SMC1A: variants seen among roughly 807,000 people sequenced by gnomAD.
The protein encoded by SMC1A is structural maintenance of chromosomes protein 1A.
A neutral mutation model predicts 94.5 loss-of-function variants in SMC1A; 4 were observed. The ratio of observed to expected loss-of-function variants is 0.04; its 90% CI spans 0.02 to 0.10. The LOEUF (loss-of-function observed/expected upper bound fraction) is 0.10, where lower values mean the gene tolerates loss of function less well. SMC1A is among the 10% of genes least tolerant of loss of function. SMC1A has a pLI of 1.00. For synonymous variants in SMC1A, 345 were observed against 347.7 expected, an observed-to-expected ratio of 0.99 and a Z score of 0.09; for missense variants, 304 against 989.0, an observed-to-expected ratio of 0.31 and a Z score of 9.29.
At chrX:53,385,191 A>C (rs1556886334) in intron 19 of SMC1A, among the ~76,000 whole-genome samples, 1 of 107,503 alleles carries the variant, frequency 9.3e-6, no homozygotes, top group Non-Finnish European at 1.9e-5. Flanking sequence ...ACATAAACTT[A>C]TGTACATTTT....
rs1602413372 is a variant in SMC1A at position 53,412,908 on chromosome X, C to T, written c.846G>A (p.Lys282=). The change falls in exon 5 of 25, where the codon AAG becomes AAA. Residue 282 remains lysine (K), a synonymous_variant. Coordinates refer to ENST00000322213, the MANE Select transcript of SMC1A (RefSeq NM_006306.4). ...KMMREQQQIE[K]EIKEKDSELN... ...CCAGGTCTGCCTCTTACTTGATCTC[C>T]TTCTCAATCTGCTGCTGCTCCCGCA... 3 of 1,207,672 alleles carry T rather than the reference C, an allele frequency of 2.5e-6. No individual in the cohort carries two copies. The South Asian group carries it at 5.3e-5, about 21-fold the overall frequency.
intron 19 of SMC1A, among the ~76,000 whole-genome samples, chrX:53,391,853 C>T (rs913257352): frequency 2.7e-5 from 3 of 110,560 alleles, no homozygotes; most frequent in Admixed American, 9.7e-5. Context: ...TCAGGTAATT[C>T]GTTGCTGTAG....
At chrX:53,418,331 C>T (rs1556891554) in intron 1 of SMC1A, among the ~76,000 whole-genome samples, 1 of 111,923 alleles carries the variant, frequency 8.9e-6, no homozygotes, top group Non-Finnish European at 1.9e-5. Context: ...GATGGGGTTT[C>T]ATCATGTTAG....
At position 53,394,930 on chromosome X, in the gene SMC1A, G is replaced by A. The variant is rs782231578; in HGVS notation, c.2863-42C>T. 6 of 801,665 alleles carry A rather than the reference G, an allele frequency of 7.5e-6. No homozygotes were observed. The African/African-American group carries it at 8.1e-5, about 11-fold the overall frequency. The allele number at this position is 801,665 out of a possible 1,213,427, so 66.1% of individuals were successfully genotyped here. A position where few individuals can be genotyped will look rare whatever the true frequency, so the allele number is the denominator to read the frequency against. On this transcript the variant is annotated intron_variant, in intron 18 of 24. Transcript: ENST00000322213. ...GAGTCAAGTGGAGCAGACTGGCCAT[G>A]AGAGTGCACCTCTATAGGGAGCTCC...
chrX:53,402,590 G>A (rs1466477873), intron 15 of SMC1A, among the ~76,000 whole-genome samples: 1 of 105,514 alleles, frequency 9.5e-6, no homozygotes, highest in Non-Finnish European at 1.9e-5. Flanking sequence ...TTGGGGCCAG[G>A]CGTGGTGGCT....
At chrX:53,414,446 T>A (rs1232293340) in intron 3 of SMC1A, among the ~76,000 whole-genome samples, 1 of 112,162 alleles carries the variant, frequency 8.9e-6, no homozygotes, top group Non-Finnish European at 1.9e-5. Flanking sequence ...CCTGAGAATG[T>A]GCATTTTCTA....
At chrX:53,389,135 C>CG (rs782076106) in intron 19 of SMC1A, among the ~76,000 whole-genome samples, 116 of 82,994 alleles carry the variant, frequency 1.4e-3, no homozygotes, top group Admixed American at 3.4e-3. Context: ...TTTTTTTGGT[C>CG]GGGGGGGTGA....
At chrX:53,407,658 C>T (rs2075696177) in intron 9 of SMC1A, among the ~76,000 whole-genome samples, 1 of 111,191 alleles carries the variant, frequency 9.0e-6, no homozygotes, top group Admixed American at 9.6e-5. Flanking sequence ...AGCCCCTAAC[C>T]CACAGGATCT....
chrX:53,422,127 T>TGGGAAGCCGGCTCCGGCCGGTCCGGC, intron 1 of SMC1A: 6 of 1,048,812 alleles, frequency 5.7e-6, no homozygotes, highest in Non-Finnish European at 7.7e-6. Context: ...CAAGTAAGGC[T>TGGGAAGCCGGCTCCGGCCGGTCCGGC]GGGAAGCCGG....
chrX:53,395,215 T>C (rs1556887854), intron 18 of SMC1A, among the ~76,000 whole-genome samples: 1 of 112,132 alleles, frequency 8.9e-6, no homozygotes. Context: ...TGGTGGTGCA[T>C]GCCTGTAATC....
chrX:53,378,357 G>A lies in SMC1A; in HGVS notation c.*1746C>T, dbSNP rs2146579494. The A allele has an allele frequency of 8.9e-6, 1 of 112,478 alleles. No homozygotes were observed. Among genetic ancestry groups the A allele is most frequent in the African/African-American group, 3.2e-5 (1 of 31,027 alleles). The allele number at this position is 112,478 out of a possible 1,213,427, so 9.3% of individuals were successfully genotyped here. The stretch of plus-strand genomic sequence containing the variant: ...CGTAAGTAAAATGTGGTAATCATAT[G>A]ATGACAATCTATACAGCAATTACAG... On this transcript the variant is annotated 3_prime_UTR_variant, in exon 25 of 25. Transcript: ENST00000322213.
chrX:53,382,044 G>A, intron 22 of SMC1A, 188 bp downstream of exon 22: 1 of 498,455 alleles, frequency 2.0e-6, no homozygotes, highest in Non-Finnish European at 3.5e-6. Context: ...GAGCAGATGA[G>A]GGTGGATGGG....
At chrX:53,380,943 G>A (rs1363120541) in intron 23 of SMC1A, 75 bp downstream of exon 23, 6 of 886,257 alleles carry the variant, frequency 6.8e-6, no homozygotes, top group Non-Finnish European at 6.7e-6. Context: ...GCTAGGGCAC[G>A]CTCAGGAGTT....
chrX:53,394,179 T>C (rs1181619739), intron 19 of SMC1A, among the ~76,000 whole-genome samples: 2 of 106,372 alleles, frequency 1.9e-5, no homozygotes, highest in Admixed American at 1.0e-4. Context: ...AAAAAAGATA[T>C]TTAGGAGGCA....
In SMC1A at chrX:53,396,460, G is replaced by C; in HGVS notation, c.2708+12C>G. ...ATCTACGTCCTCCCACCCCAGGCCT[G>C]AACCCACTCACTTGTTGGCGCCCCC... On this transcript the variant is annotated intron_variant, in intron 17 of 24. Transcript: ENST00000322213. 2 of 1,211,058 alleles carry C rather than the reference G, an allele frequency of 1.7e-6. No homozygotes were observed. The highest frequency in any genetic ancestry group is 3.5e-5 in the African/African-American group (2 of 57,679).
chrX:53,421,783 G>A, intron 1 of SMC1A: 1 of 829,226 alleles, frequency 1.2e-6, no homozygotes, highest in Non-Finnish European at 1.7e-6. Context: ...TCCACAACTT[G>A]CAACTGAATA....
At chrX:53,419,417 C>G (rs1054606679) in intron 1 of SMC1A, among the ~76,000 whole-genome samples, 2 of 109,010 alleles carry the variant, frequency 1.8e-5, no homozygotes, top group African/African-American at 6.7e-5. Flanking sequence ...GTCCTGACTA[C>G]TGGGAAGGCT....
intron 19 of SMC1A, among the ~76,000 whole-genome samples, chrX:53,393,140 A>G (rs1326835796): frequency 8.9e-6 from 1 of 111,811 alleles, no homozygotes; most frequent in Non-Finnish European, 1.9e-5. Flanking sequence ...CACCTATGAT[A>G]TATTCTTGCC....
intron 1 of SMC1A, among the ~76,000 whole-genome samples, chrX:53,417,317 G>A (rs1481249116): frequency 9.2e-6 from 1 of 108,732 alleles, no homozygotes; most frequent in African/African-American, 3.3e-5. Context: ...TTGGGTGGCC[G>A]AGGCGGGCGG....
Sources: allele counts gnomAD v4.1 joint callset (sites outside exome capture counted in the v4.1 genomes callset), GRCh38; gene constraint gnomAD v4.1.1; transcripts MANE v1.5; gene names NCBI Gene and HGNC (gene_info 2026-07-23, HGNC 2026-07-21).